The following MTMR10 variants were observed in gnomAD, a reference collection of about 807,000 sequenced individuals.
MTMR10 encodes the protein myotubularin related protein 10, also known as myotubularin-related protein 10.
MTMR10 carries 56 observed loss-of-function variants against 88.1 expected under a neutral mutation model. The ratio of observed to expected loss-of-function variants is 0.64; its 90% CI spans 0.51 to 0.79. MTMR10 has a LOEUF of 0.79. Ranked by LOEUF, MTMR10 falls within the 30% of genes least tolerant of loss-of-function variation. MTMR10 has a pLI of 0.00. For synonymous variants in MTMR10, 380 were observed against 340.9 expected, an observed-to-expected ratio of 1.11 and a Z score of -1.26; for missense variants, 883 against 924.7, an observed-to-expected ratio of 0.95 and a Z score of 0.58.
At chr15:30,925,378 T>C in the MTMR10 span, 2 of 1,271,818 alleles carry the variant, frequency 1.6e-6, no homozygotes, top group African/African-American at 1.5e-5. Context: ...CTGTTTTGAG[T>C]GTGTGTTTTC....
At chr15:30,943,430 G>A (rs1407002194) in intron 14 of MTMR10, 1 of 984,822 alleles carries the variant, frequency 1.0e-6, no homozygotes, top group Non-Finnish European at 1.2e-6. Context: ...ACTTTTATGA[G>A]CACACGGTCA....
At chr15:30,937,135 G>C, downstream of MTMR10, 1 of 1,611,946 alleles carries the variant, frequency 6.2e-7, no homozygotes, top group Non-Finnish European at 8.5e-7. Flanking sequence ...GAAGTTAAAG[G>C]CCCCAATGAT....
the MTMR10 span, chr15:30,926,579 C>A: frequency 3.1e-6 from 3 of 976,780 alleles, no homozygotes; most frequent in Non-Finnish European, 3.6e-6. Flanking sequence ...TGTTGAGATT[C>A]ATCTACATAA....
Position 30,941,618 on chromosome 15 carries a change from G to GAGGTGTC in MTMR10, c.2179_2185dup (p.Ser729Ter). The GAGGTGTC allele has an allele frequency of 1.9e-6, 3 of 1,603,824 alleles. No homozygotes were observed. The highest frequency in any genetic ancestry group is 2.6e-6 in the Non-Finnish European group (3 of 1,174,934). ...GGAGGAGAGAAACTCCGGTGTCCCC[G>GAGGTGTC]AGGTGTCGGTGTGGTGAGGGCCGCT... On this transcript the variant is annotated stop_gained and frameshift_variant, in exon 16 of 16. Coordinates refer to ENST00000435680, the MANE Select transcript of MTMR10 (RefSeq NM_017762.3). LOFTEE classifies it high-confidence loss of function.
intron 2 of MTMR10, among the ~76,000 whole-genome samples, chr15:30,980,756 C>T (rs919908140): frequency 3.3e-5 from 5 of 150,916 alleles, no homozygotes; most frequent in African/African-American, 7.3e-5. Flanking sequence ...TGAAGAAAAG[C>T]GGGGGGACGG....
chr15:30,986,586 T>C (rs570394353), intron 2 of MTMR10, among the ~76,000 whole-genome samples: 49 of 152,300 alleles, frequency 3.2e-4, no homozygotes, highest in Admixed American at 4.6e-4. Context: ...CCAAGTAAGT[T>C]AGAAGAACAT....
Position 30,974,298 on chromosome 15 carries a change from A to G in MTMR10, c.474+16T>C, listed in dbSNP as rs753030825. The G allele has an allele frequency of 1.7e-5, 26 of 1,566,556 alleles. No individual in the cohort carries two copies. The South Asian group carries it at 3.0e-4, about 18-fold the overall frequency. The stretch of plus-strand genomic sequence containing the variant: ...CAGTACAGAACCCAGAACTTGATAA[A>G]CCTTAACAGTATTACCTTTTTAGCA... On this transcript the variant is annotated intron_variant, in intron 5 of 15. Transcript: ENST00000435680.
the MTMR10 span, among the ~76,000 whole-genome samples, chr15:30,932,716 CTTTT>C: frequency 7.4e-6 from 1 of 134,376 alleles, no homozygotes. Flanking sequence ...TGTTTCTTTT[CTTTT>C]TTTTTTTTTT....
At chr15:30,975,036 T>C in intron 3 of MTMR10, 33 bp from the exon 4 acceptor site, 2 of 1,430,364 alleles carry the variant, frequency 1.4e-6, no homozygotes, top group Non-Finnish European at 1.9e-6. Context: ...TATTAATTCT[T>C]TTCCCAATAA....
intron 2 of MTMR10, among the ~76,000 whole-genome samples, chr15:30,988,232 T>C (rs2031079416): frequency 6.6e-6 from 1 of 151,914 alleles, no homozygotes. Flanking sequence ...ACAGCCAGGA[T>C]GGGTGCAGGA....
rs986572526 is a variant in MTMR10, at chr15:30,947,409, C to T, written c.1378-109G>A. The T allele has an allele frequency of 6.9e-6, 9 of 1,309,988 alleles. No homozygotes were observed. The East Asian group carries it at 1.3e-4, about 19-fold the overall frequency. 81.1% of individuals were successfully genotyped at this position (1,309,988 alleles called of 1,614,324 possible). ...AAAGAAGAGATGAATGAGAAAACAT[C>T]GAAGCCTAAAACACTTGCCTTCTAA... On this transcript the variant is annotated intron_variant, in intron 13 of 15. Transcript: ENST00000435680.
intron 7 of MTMR10, 148 bp downstream of exon 7, chr15:30,960,733 C>T (rs996612069): frequency 8.7e-7 from 1 of 1,147,730 alleles, no homozygotes; most frequent in Admixed American, 3.7e-5. Context: ...AAGCCTTGAT[C>T]TTTAAAATAA....
intron 5 of MTMR10, among the ~76,000 whole-genome samples, chr15:30,970,784 T>C (rs1018192297): frequency 4.6e-5 from 7 of 152,078 alleles, no homozygotes; most frequent in Admixed American, 6.6e-5. Flanking sequence ...CCCTTAAAAA[T>C]AGCACAATAT....
rs138035572 is a variant in MTMR10, at chr15:30,946,505, G to A, written c.1548+625C>T. ...CCTTACGGCTGAGGCTGAAGACCCC[G>A]GAGCTCACTATGAGGGCAATCCTCT... On this transcript the variant is annotated intron_variant, in intron 14 of 15. Transcript: ENST00000435680. The A allele has an allele frequency of 3.6e-4, 182 of 499,812 alleles. No homozygotes were observed. In the East Asian group the frequency reaches 5.7e-3, roughly 16 times the overall value. 31.0% of individuals were successfully genotyped at this position (499,812 alleles called of 1,614,324 possible). A position where few individuals can be genotyped will look rare whatever the true frequency, so the allele number is the denominator to read the frequency against.
Position 30,974,917 on chromosome 15 carries a change from G to A in MTMR10, c.331+14C>T, listed in dbSNP as rs138159284. ...TGGAATTGACTTTTAGAGTATGTAC[G>A]GAATACTACGTACCTGTGACAATTT... On this transcript the variant is annotated intron_variant, in intron 4 of 15. Transcript: ENST00000435680. 5.5e-4 allele frequency: 825 copies of A among 1,498,600 alleles called. 10 individuals are homozygous for A. In the East Asian group the frequency reaches 0.014, roughly 25 times the overall value. 92.8% of individuals were successfully genotyped at this position (1,498,600 alleles called of 1,614,324 possible).
the MTMR10 span, chr15:30,922,395 T>G: frequency 3.8e-6 from 6 of 1,565,066 alleles, no homozygotes; most frequent in Non-Finnish European, 5.2e-6. Context: ...CTTTTCATTT[T>G]AGAATCAACT....
At chr15:30,961,439 C>T (rs2063401203) in intron 6 of MTMR10, among the ~76,000 whole-genome samples, 1 of 152,132 alleles carries the variant, frequency 6.6e-6, no homozygotes, top group Non-Finnish European at 1.5e-5. Flanking sequence ...CAGGGTTTCA[C>T]CATGTTGGCT....
intron 6 of MTMR10, among the ~76,000 whole-genome samples, chr15:30,965,487 T>A (rs1292602588): frequency 3.3e-5 from 5 of 152,176 alleles, no homozygotes; most frequent in Non-Finnish European, 7.3e-5. Context: ...TCTTATCAAT[T>A]CTATAAGAAA....
In MTMR10 at chr15:30,939,124, C is replaced by T. The variant is rs2062952796; in HGVS notation, c.*2346G>A. 1 of 985,292 alleles carries T rather than the reference C, an allele frequency of 1.0e-6. No individual in the cohort carries two copies. The highest frequency in any genetic ancestry group is 1.2e-6 in the Non-Finnish European group (1 of 829,902). The allele number at this position is 985,292 out of a possible 1,614,324, so 61.0% of individuals were successfully genotyped here. On this transcript the variant is annotated 3_prime_UTR_variant, in exon 16 of 16. Coordinates refer to ENST00000435680, the MANE Select transcript of MTMR10 (RefSeq NM_017762.3). ...CACTTGAGGTTACTACTGCAGCAAGCAGATTTTGTTGACAAATGTGAACAG... is the reference window on the plus strand; with the variant it reads ...CACTTGAGGTTACTACTGCAGCAAGTAGATTTTGTTGACAAATGTGAACAG...
Sources: gnomAD v4.1 joint callset for allele counts (sites outside exome capture counted in the v4.1 genomes callset) on GRCh38, gnomAD v4.1.1 for gene constraint, MANE v1.5 for transcripts, NCBI Gene and HGNC (gene_info 2026-07-23, HGNC 2026-07-21) for gene names.